Variants in GK5 observed in about 807,000 individuals in gnomAD.
GK5 encodes the protein ATP:glycerol 3-phosphotransferase 5.
Under a neutral mutation model 77.3 loss-of-function variants are expected in GK5, and 39 were observed. The ratio of observed to expected loss-of-function variants is 0.50; its 90% CI spans 0.39 to 0.66. GK5 has a LOEUF of 0.66. Among genes scored for constraint, GK5 ranks in the 30% least tolerant of loss-of-function variants. The probability of loss-of-function intolerance (pLI) is 0.00; values close to 1 mark genes in which losing one functional copy is unlikely to be tolerated. For synonymous variants in GK5, 211 were observed against 208.0 expected (o/e 1.01, Z -0.13); for missense variants, 487 against 633.8 (o/e 0.77, Z 2.49).
At chr3:142,200,652 A>G (rs924844917) in intron 4 of GK5, among the ~76,000 whole-genome samples, 1 of 152,232 alleles carries the variant, frequency 6.6e-6, no homozygotes, top group African/African-American at 2.4e-5. Context: ...AATTAGATTT[A>G]GGACACTTCT....
intron 9 of GK5, chr3:142,184,783 C>T (rs377611481): frequency 4.0e-4 from 340 of 842,598 alleles, no homozygotes; most frequent in Non-Finnish European, 4.6e-4. Flanking sequence ...TCACAGTGAG[C>T]CATCGGTGAG....
At chr3:142,190,320 G>A (rs879563894) in intron 5 of GK5, among the ~76,000 whole-genome samples, 8 of 152,034 alleles carry the variant, frequency 5.3e-5, no homozygotes, top group East Asian at 1.9e-4. Flanking sequence ...CCAATTTCCC[G>A]TCTGATAGGT....
intron 4 of GK5, chr3:142,204,266 C>T (rs2064070027): frequency 4.3e-6 from 1 of 235,078 alleles, no homozygotes; most frequent in South Asian, 5.6e-5. Flanking sequence ...AATCCCCCTG[C>T]CTCAGCCTTC....
chr3:142,186,050 A>T, intron 8 of GK5, 61 bp from the exon 9 acceptor site: 2 of 1,414,518 alleles, frequency 1.4e-6, no homozygotes, highest in Non-Finnish European at 2.0e-6. Flanking sequence ...TTTAAAACTC[A>T]GCAAATTGTT....
At chr3:142,216,384 C>A (rs2064276778) in intron 1 of GK5, among the ~76,000 whole-genome samples, 1 of 152,074 alleles carries the variant, frequency 6.6e-6, no homozygotes, top group African/African-American at 2.4e-5. Context: ...TGTCTCCATA[C>A]TTTTATACCC....
At chr3:142,188,115 G>A (rs567403382) in intron 5 of GK5, among the ~76,000 whole-genome samples, 87 of 151,938 alleles carry the variant, frequency 5.7e-4, no homozygotes, top group African/African-American at 2.1e-3. Flanking sequence ...TACACTAGTC[G>A]GCTGGGTGCG....
chr3:142,180,150 C>A (rs1474321243), intron 11 of GK5, among the ~76,000 whole-genome samples: 1 of 152,114 alleles, frequency 6.6e-6, no homozygotes, highest in East Asian at 1.9e-4. Context: ...GGGGGAAATC[C>A]CTGTTGCTTG....
In GK5 at chr3:142,163,828, T is replaced by C. The variant is rs548752782; in HGVS notation, c.*1794A>G. 2.6e-5 allele frequency: 4 copies of C among 151,478 alleles called. No homozygotes were observed. The South Asian group carries it at 8.4e-4, about 32-fold the overall frequency. The allele number at this position is 151,478 out of a possible 1,614,324, so 9.4% of individuals were successfully genotyped here. A position where few individuals can be genotyped will look rare whatever the true frequency, so the allele number is the denominator to read the frequency against. On this transcript the variant is annotated 3_prime_UTR_variant, in exon 16 of 16. Transcript: ENST00000392993. The stretch of plus-strand genomic sequence containing the variant: ...CTGGGCAACACAGCAAGACCCTGTC[T>C]CTACAAAAAAAGAAAAAGAAAAAAA...
In GK5 at chr3:142,210,753, A is replaced by G. The variant is rs145428956; in HGVS notation, c.317+2773T>C. Among the ~76,000 whole-genome samples the G allele has an allele frequency of 3.5e-4, 54 of 152,322 alleles. No individual in the cohort carries two copies. In the East Asian group the frequency reaches 9.6e-3, roughly 27 times the overall value. On this transcript the variant is annotated intron_variant, in intron 3 of 15. Coordinates refer to ENST00000392993, the MANE Select transcript of GK5 (RefSeq NM_001039547.3). ...AACTGTCTTGAAATCTAACTCTTCT[A>G]TTCCTTCTAATGGTGATGTATAGTC...
intron 1 of GK5, among the ~76,000 whole-genome samples, chr3:142,218,874 T>G (rs1422325177): frequency 6.6e-6 from 1 of 152,064 alleles, no homozygotes; most frequent in African/African-American, 2.4e-5. Context: ...ATCCAGAATA[T>G]ATAAAAAATT....
At chr3:142,192,921 A>G (rs1317990337) in intron 5 of GK5, among the ~76,000 whole-genome samples, 1 of 152,210 alleles carries the variant, frequency 6.6e-6, no homozygotes, top group East Asian at 1.9e-4. Context: ...TGTAAAGTCT[A>G]TATACTATAT....
At chr3:142,208,712 G>A (rs2064146328) in intron 3 of GK5, among the ~76,000 whole-genome samples, 1 of 152,154 alleles carries the variant, frequency 6.6e-6, no homozygotes, top group Non-Finnish European at 1.5e-5. Context: ...AAATTTATAA[G>A]CCAATTTGTA....
intron 1 of GK5, among the ~76,000 whole-genome samples, chr3:142,219,138 T>A (rs1180325757): frequency 2.6e-5 from 4 of 152,214 alleles, no homozygotes; most frequent in Non-Finnish European, 5.9e-5. Flanking sequence ...ATGGCCACTC[T>A]GAATTTCTTG....
At chr3:142,172,235 T>C in intron 13 of GK5, 118 bp downstream of exon 13, 1 of 534,268 alleles carries the variant, frequency 1.9e-6, no homozygotes, top group Non-Finnish European at 3.4e-6. Flanking sequence ...TAGTATCAAA[T>C]AAGCCAAAAA....
chr3:142,219,310 T>C (rs1328160508), intron 1 of GK5, among the ~76,000 whole-genome samples: 1 of 152,152 alleles, frequency 6.6e-6, no homozygotes, highest in African/African-American at 2.4e-5. Context: ...CTATTAATGA[T>C]CACCAGAAAC....
intron 11 of GK5, among the ~76,000 whole-genome samples, chr3:142,181,205 T>C (rs2063692847): frequency 6.6e-6 from 1 of 152,262 alleles, no homozygotes; most frequent in South Asian, 2.1e-4. Context: ...ATTTTGCTTA[T>C]GGCATATCTC....
Position 142,161,087 on chromosome 3 carries a change from T to G in GK5, c.*4535A>C, listed in dbSNP as rs1056575591. The G allele has an allele frequency of 3.5e-5, 4 of 113,634 alleles. No homozygotes were observed. Among genetic ancestry groups the G allele is most frequent in the African/African-American group, 1.1e-4 (4 of 37,706 alleles). 7.0% of individuals were successfully genotyped at this position (113,634 alleles called of 1,614,324 possible). ...CTACAGAGTAGTTCTTCTTTTGTTT[T>G]TTTGTTTTTGTTTTTGTTTTTGTTT... On this transcript the variant is annotated 3_prime_UTR_variant, in exon 16 of 16. Coordinates refer to ENST00000392993, the MANE Select transcript of GK5 (RefSeq NM_001039547.3).
chr3:142,167,440 A>T (rs2063486511), intron 15 of GK5, among the ~76,000 whole-genome samples: 1 of 152,294 alleles, frequency 6.6e-6, no homozygotes, highest in Non-Finnish European at 1.5e-5. Flanking sequence ...TAAAAGAAAA[A>T]CATAGTTTTC....
intron 12 of GK5, among the ~76,000 whole-genome samples, chr3:142,177,139 C>A (rs1205267664): frequency 1.3e-5 from 2 of 152,118 alleles, no homozygotes; most frequent in African/African-American, 4.8e-5. Context: ...ACATTCCCCC[C>A]ACTGTGAAAT....
Sources: allele counts gnomAD v4.1 joint callset (sites outside exome capture counted in the v4.1 genomes callset), GRCh38; gene constraint gnomAD v4.1.1; transcripts MANE v1.5; gene names NCBI Gene and HGNC (gene_info 2026-07-23, HGNC 2026-07-21).